GRM5: variants seen among roughly 807,000 people sequenced by gnomAD.
GRM5 encodes the protein glutamate metabotropic receptor 5, also known as metabotropic glutamate receptor 5.
In GRM5, 19 loss-of-function variants were observed where a neutral mutation model predicts 83.1. The observed-to-expected ratio is 0.23, with a 90% CI of 0.16 to 0.34. GRM5 has a LOEUF of 0.34. GRM5 is among the 10% of genes least tolerant of loss of function. The probability of loss-of-function intolerance (pLI) is 1.00; values close to 1 mark genes in which losing one functional copy is unlikely to be tolerated. For missense variants in GRM5, 1,160 were observed against 1,588.3 expected (o/e 0.73, Z 4.58); for synonymous variants, 675 against 633.6 (o/e 1.07, Z -0.98).
At chr11:88,687,109 A>G (rs748896018) in intron 3 of GRM5, among the ~76,000 whole-genome samples, 1 of 151,980 alleles carries the variant, frequency 6.6e-6, no homozygotes, top group African/African-American at 2.4e-5. Context: ...CCCACCATCT[A>G]AATTAGGCTC....
intron 3 of GRM5, among the ~76,000 whole-genome samples, chr11:88,658,789 T>C (rs1404703631): frequency 1.3e-5 from 2 of 152,150 alleles, no homozygotes; most frequent in African/African-American, 4.8e-5. Context: ...ATATGGAGCA[T>C]TGCAGCTATG....
At chr11:88,686,554 G>A (rs1227311899) in intron 3 of GRM5, among the ~76,000 whole-genome samples, 1 of 152,082 alleles carries the variant, frequency 6.6e-6, no homozygotes, top group Non-Finnish European at 1.5e-5. Context: ...GATATGGTTT[G>A]GCTCTGTGTC....
Position 89,041,871 on chromosome 11 carries a change from T to C in GRM5, c.661+5341A>G, listed in dbSNP as rs560408832. Among the ~76,000 whole-genome samples, 25 of 152,328 alleles carry C rather than the reference T, an allele frequency of 1.6e-4. No homozygotes were observed. The East Asian group carries it at 4.8e-3, about 29-fold the overall frequency. ...AAGTCAGTGGTAACCAATATAATTA[T>C]ACAATCAATCCATAATTTCAAAGAT... On this transcript the variant is annotated intron_variant, in intron 2 of 9. Coordinates refer to ENST00000305447, the MANE Select transcript of GRM5 (RefSeq NM_001143831.3).
chr11:88,951,400 A>G (rs1445214385), intron 2 of GRM5, among the ~76,000 whole-genome samples: 3 of 152,242 alleles, frequency 2.0e-5, no homozygotes, highest in African/African-American at 4.8e-5. Context: ...CATACCGGGA[A>G]GCTCTGGGCC....
Position 88,544,237 on chromosome 11 carries a change from T to C in GRM5, c.2631-18833A>G, listed in dbSNP as rs895757129. On this transcript the variant is annotated intron_variant, in intron 8 of 9. Transcript: ENST00000305447. The stretch of plus-strand genomic sequence containing the variant: ...TTACCCAGTCCGTGGTATTCTCTTA[T>C]AGCAACACAAAACAGACTAGGAAAA... Among the ~76,000 whole-genome samples, 5 of 152,222 alleles carry C rather than the reference T, an allele frequency of 3.3e-5. No homozygotes were observed. In the East Asian group the frequency reaches 9.6e-4, roughly 29 times the overall value.
intron 2 of GRM5, among the ~76,000 whole-genome samples, chr11:89,046,247 C>A (rs114348810): frequency 1.3e-5 from 2 of 151,922 alleles, no homozygotes; most frequent in Non-Finnish European, 2.9e-5. Context: ...TTTACCAGAC[C>A]GAAATATTTG....
chr11:88,538,240 A>G (rs1477133322), intron 8 of GRM5, among the ~76,000 whole-genome samples: 1 of 152,196 alleles, frequency 6.6e-6, no homozygotes, highest in African/African-American at 2.4e-5. Flanking sequence ...GAATTCCCAA[A>G]GGATGTATTT....
At chr11:88,830,249 G>C (rs1234649295) in intron 3 of GRM5, among the ~76,000 whole-genome samples, 31 of 151,618 alleles carry the variant, frequency 2.0e-4, no homozygotes, top group Admixed American at 1.6e-3. Context: ...TTTGGGGATT[G>C]GATTTTGGAA....
At chr11:88,956,739 G>A (rs1938629184) in intron 2 of GRM5, among the ~76,000 whole-genome samples, 1 of 152,202 alleles carries the variant, frequency 6.6e-6, no homozygotes, top group African/African-American at 2.4e-5. Flanking sequence ...CCGGAAGGCG[G>A]AACTTGCAGT....
chr11:88,994,024 A>T (rs1940087210), intron 2 of GRM5, among the ~76,000 whole-genome samples: 1 of 152,178 alleles, frequency 6.6e-6, no homozygotes, highest in South Asian at 2.1e-4. Context: ...ACCTCAGTAA[A>T]GTTTTATAAT....
At chr11:88,739,117 A>T (rs1941978297) in intron 3 of GRM5, among the ~76,000 whole-genome samples, 1 of 152,082 alleles carries the variant, frequency 6.6e-6, no homozygotes, top group Admixed American at 6.6e-5. Context: ...TTACTAGACT[A>T]TAAGCACTTG....
At chr11:88,825,486 G>A (rs997257361) in intron 3 of GRM5, among the ~76,000 whole-genome samples, 1 of 152,030 alleles carries the variant, frequency 6.6e-6, no homozygotes, top group African/African-American at 2.4e-5. Context: ...TGAGAAATGA[G>A]TTATGTCTTA....
intron 3 of GRM5, among the ~76,000 whole-genome samples, chr11:88,829,732 A>G (rs568833989): frequency 3.3e-5 from 5 of 152,212 alleles, no homozygotes; most frequent in Non-Finnish European, 4.4e-5. Context: ...GTTGGATTAA[A>G]TGAATAAAGA....
At chr11:89,017,271 G>A (rs16912869) in intron 2 of GRM5, among the ~76,000 whole-genome samples, 1 of 152,102 alleles carries the variant, frequency 6.6e-6, no homozygotes, top group African/African-American at 2.4e-5. Flanking sequence ...AATGCTCAAT[G>A]AATAGAAGAT....
At chr11:88,726,290 A>C (rs1419548235) in intron 3 of GRM5, among the ~76,000 whole-genome samples, 1 of 152,192 alleles carries the variant, frequency 6.6e-6, no homozygotes, top group Non-Finnish European at 1.5e-5. Context: ...AGGATATCAG[A>C]GATTGAAGAT....
intron 2 of GRM5, among the ~76,000 whole-genome samples, chr11:88,920,106 G>A (rs866586692): frequency 3.9e-5 from 6 of 152,050 alleles, no homozygotes; most frequent in Admixed American, 3.3e-4. Context: ...TCAATGAAAT[G>A]AAAAGATGGT....
intron 3 of GRM5, among the ~76,000 whole-genome samples, chr11:88,778,763 G>A (rs1942913940): frequency 6.6e-6 from 1 of 152,144 alleles, no homozygotes; most frequent in Admixed American, 6.6e-5. Flanking sequence ...GCCAGGTCCT[G>A]TCTTTAAGTG....
chr11:88,613,204 T>C (rs1413309855), intron 4 of GRM5, among the ~76,000 whole-genome samples: 1 of 152,182 alleles, frequency 6.6e-6, no homozygotes, highest in African/African-American at 2.4e-5. Context: ...TGTAGATGTG[T>C]AATTAGCTCC....
At chr11:88,941,142 G>C (rs1487923805) in intron 2 of GRM5, among the ~76,000 whole-genome samples, 1 of 151,604 alleles carries the variant, frequency 6.6e-6, no homozygotes, top group Non-Finnish European at 1.5e-5. Flanking sequence ...TCTGAAAATT[G>C]CTTATTTCAT....
Sources: gnomAD v4.1 joint callset for allele counts (sites outside exome capture counted in the v4.1 genomes callset) on GRCh38, gnomAD v4.1.1 for gene constraint, MANE v1.5 for transcripts, NCBI Gene and HGNC (gene_info 2026-07-23, HGNC 2026-07-21) for gene names.